The following DENND1A variants were observed in gnomAD, a reference collection of about 807,000 sequenced individuals.
DENND1A encodes DENN domain containing 1A, also known as DENN domain-containing protein 1A.
In DENND1A, 51 loss-of-function variants were observed where a neutral mutation model predicts 113.7. The ratio of observed to expected loss-of-function variants is 0.45; its 90% confidence interval spans 0.36 to 0.57. DENND1A has a LOEUF of 0.57. Ranked by LOEUF, DENND1A falls within the 20% of genes least tolerant of loss-of-function variation. The pLI is 0.00. For synonymous variants in DENND1A, 565 were observed against 570.8 expected (o/e 0.99, Z 0.14); for missense variants, 1,258 against 1,395.9 (o/e 0.90, Z 1.57).
At chr9:123,548,556 C>T (rs1358199577) in intron 13 of DENND1A, among the ~76,000 whole-genome samples, 1 of 152,192 alleles carries the variant, frequency 6.6e-6, no homozygotes, top group Non-Finnish European at 1.5e-5. Flanking sequence ...CACAACTGCG[C>T]TTTTAGGTAT....
chr9:123,561,311 T>C (rs2057741268), intron 12 of DENND1A, among the ~76,000 whole-genome samples: 2 of 152,032 alleles, frequency 1.3e-5, no homozygotes, highest in Non-Finnish European at 2.9e-5. Context: ...ACTGAGCAAA[T>C]ACGAGTGTGT....
chr9:123,390,782 T>C (rs2042800772), intron 21 of DENND1A, among the ~76,000 whole-genome samples: 1 of 152,230 alleles, frequency 6.6e-6, no homozygotes, highest in Non-Finnish European at 1.5e-5. Context: ...TCGGAGTAGA[T>C]GCACACGAGG....
chr9:123,648,889 A>G (rs2062488006), intron 9 of DENND1A, among the ~76,000 whole-genome samples: 1 of 152,104 alleles, frequency 6.6e-6, no homozygotes, highest in East Asian at 1.9e-4. Context: ...CTACAATGCC[A>G]CCTTTTATAA....
At chr9:123,610,047 T>G (rs901542258) in intron 10 of DENND1A, among the ~76,000 whole-genome samples, 2 of 152,204 alleles carry the variant, frequency 1.3e-5, no homozygotes, top group Non-Finnish European at 2.9e-5. Context: ...TCCTCCCCAG[T>G]TGCACACATG....
chr9:123,914,975 C>T (rs1854824343), intron 1 of DENND1A, among the ~76,000 whole-genome samples: 1 of 152,068 alleles, frequency 6.6e-6, no homozygotes, highest in South Asian at 2.1e-4. Flanking sequence ...CTGATTATAA[C>T]ATCATCAGTT....
chr9:123,381,433 C>T lies in DENND1A; in HGVS notation c.3212G>A (p.Ter1071=). Residue 1071 remains the stop codon, a stop_retained_variant, in exon 24 of 24, where the codon TGA becomes TAA. Coordinates refer to ENST00000394215, the MANE Select transcript of DENND1A (RefSeq NM_001352964.2). This position sits in a 1 kb window ranked among gnomAD's most constrained non-coding sequence, Gnocchi z 4.7. ...QLRKQWETFE[*] Reference sequence around the variant, plus strand: ...CATCCCCCACCCTCAGGGCCCGGCTCACTCGAAGGTCTCCCACTGCTTCCT... The same window carrying T: ...CATCCCCCACCCTCAGGGCCCGGCTTACTCGAAGGTCTCCCACTGCTTCCT... 1.2e-6 allele frequency: 2 copies of T among 1,612,960 alleles called. No homozygotes were observed. Among genetic ancestry groups the T allele is most frequent in the South Asian group, 1.1e-5 (1 of 91,034 alleles).
intron 1 of DENND1A, among the ~76,000 whole-genome samples, chr9:123,913,919 C>G (rs1446247194): frequency 6.9e-6 from 1 of 144,518 alleles, no homozygotes; most frequent in African/African-American, 2.6e-5. Context: ...AAAAAAAAAT[C>G]AAAAGCCAGA....
chr9:123,839,072 G>A (rs1391643617), intron 2 of DENND1A, among the ~76,000 whole-genome samples: 2 of 152,158 alleles, frequency 1.3e-5, no homozygotes, highest in African/African-American at 4.8e-5. Context: ...TCCAGGTCTG[G>A]GCTGAGCCAC....
At chr9:123,714,429 C>G (rs2066838781) in intron 5 of DENND1A, among the ~76,000 whole-genome samples, 1 of 152,024 alleles carries the variant, frequency 6.6e-6, no homozygotes, top group Non-Finnish European at 1.5e-5. Context: ...TGGTGAAACC[C>G]CATCTCCACT....
At chr9:123,824,655 C>A (rs536488771) in intron 2 of DENND1A, among the ~76,000 whole-genome samples, 149 of 152,166 alleles carry the variant, frequency 9.8e-4, no homozygotes, top group African/African-American at 3.5e-3. Flanking sequence ...TAGAGTTCAT[C>A]TGATTTTTTA....
At chr9:123,769,637 C>A (rs1590012010) in intron 3 of DENND1A, 74 bp from the exon 4 acceptor site, 1 of 1,319,638 alleles carries the variant, frequency 7.6e-7, no homozygotes, top group East Asian at 2.4e-5. Flanking sequence ...AGCACACAAT[C>A]TAGCAACTTT....
intron 19 of DENND1A, among the ~76,000 whole-genome samples, chr9:123,424,474 C>T (rs2045560504): frequency 6.6e-6 from 1 of 152,196 alleles, no homozygotes. Context: ...GATTAGGCTC[C>T]CACCAGCCCT....
At chr9:123,635,086 C>T (rs547329943) in intron 9 of DENND1A, among the ~76,000 whole-genome samples, 12 of 120,222 alleles carry the variant, frequency 1.0e-4, no homozygotes, top group African/African-American at 4.4e-4. Flanking sequence ...CACAAGGACA[C>T]ATTTTTTTTT....
intron 12 of DENND1A, among the ~76,000 whole-genome samples, chr9:123,563,881 C>T (rs1280130314): frequency 2.0e-5 from 3 of 152,238 alleles, no homozygotes; most frequent in South Asian, 2.1e-4. Flanking sequence ...TATTCTTTAT[C>T]GTATTCTCTA....
At chr9:123,572,204 T>A (rs1021135960) in intron 12 of DENND1A, among the ~76,000 whole-genome samples, 1 of 152,232 alleles carries the variant, frequency 6.6e-6, no homozygotes, top group African/African-American at 2.4e-5. Flanking sequence ...TGTTCCAGAA[T>A]ACAAAATAAA....
intron 5 of DENND1A, among the ~76,000 whole-genome samples, chr9:123,718,359 G>C (rs980385908): frequency 1.3e-5 from 2 of 152,176 alleles, no homozygotes; most frequent in Non-Finnish European, 2.9e-5. Context: ...TGCCATAAAG[G>C]CCTAATTAAT....
chr9:123,744,321 T>C (rs564978629), intron 5 of DENND1A, among the ~76,000 whole-genome samples: 1 of 152,324 alleles, frequency 6.6e-6, no homozygotes, highest in South Asian at 2.1e-4. Flanking sequence ...TTCCATGTCA[T>C]CAAATAATCA....
chr9:123,695,982 CA>C (rs59667113), intron 5 of DENND1A, among the ~76,000 whole-genome samples: 5,151 of 106,490 alleles, frequency 0.048, 68 homozygotes, highest in Non-Finnish European at 0.06. Flanking sequence ...TCTGTTAATA[CA>C]AAAAAAAAAA....
chr9:123,873,867 C>A (rs190349061), intron 2 of DENND1A, among the ~76,000 whole-genome samples: 3 of 152,022 alleles, frequency 2.0e-5, no homozygotes, highest in African/African-American at 7.2e-5. Context: ...CTCAGCCACC[C>A]GAGCAGCTGG....
Sources: gnomAD v4.1 joint callset for allele counts (sites outside exome capture counted in the v4.1 genomes callset) on GRCh38, gnomAD v4.1.1 for gene constraint, Gnocchi (gnomAD v3.1) non-coding constraint, MANE v1.5 for transcripts, NCBI Gene and HGNC (gene_info 2026-07-23, HGNC 2026-07-21) for gene names.